Variants in HOXB7 observed in about 807,000 individuals in gnomAD.
HOXB7 encodes the protein homeobox protein Hox-B7.
HOXB7 carries 11 observed loss-of-function variants against 19.2 expected under a neutral mutation model. The ratio of observed to expected loss-of-function variants is 0.57; its 90% CI spans 0.36 to 0.95. The LOEUF is 0.95. HOXB7 is among the 40% of genes least tolerant of loss of function. The pLI is 0.01. For missense variants in HOXB7, 318 were observed against 301.1 expected (o/e 1.06, Z -0.42); for synonymous variants, 141 against 130.2 (o/e 1.08, Z -0.56).
chr17:48,607,983 C>T lies in HOXB7; in HGVS notation c.513G>A (p.Ala171=), dbSNP rs1351523006. Residue 171 remains alanine (A), a synonymous_variant, in exon 2 of 2, where the codon GCG becomes GCA. Transcript: ENST00000239165. ...GTCTTTCCGTGAGGCAGAGCGTGTG[C>T]GCGATCTCGATGCGCCGCCGCCGCG... is the stretch of plus-strand genomic sequence containing the variant. ...YLTRRRRIEI[A]HTLCLTERQI... is the part of the protein sequence containing the mutation. 4 of 1,614,170 alleles carry T rather than the reference C, an allele frequency of 2.5e-6. No individual in the cohort carries two copies. The highest frequency in any genetic ancestry group is 1.1e-5 in the South Asian group (1 of 91,080).
rs117268693 is a variant in HOXB7 at position 48,610,135 on chromosome 17, G to A, written c.400+384C>T. Among the ~76,000 whole-genome samples the A allele has an allele frequency of 1.3e-3, 196 of 152,296 alleles. 3 individuals carry two copies. In the East Asian group the frequency reaches 0.037, roughly 29 times the overall value. On this transcript the variant is annotated intron_variant, in intron 1 of 1. Coordinates refer to ENST00000239165, the MANE Select transcript of HOXB7 (RefSeq NM_004502.4). The stretch of plus-strand genomic sequence containing the variant: ...CTTAGCTGGGAAGGGGGGAGAAGGG[G>A]GAGACCCTAATGGCTATTCTCTGCA...
Position 48,610,575 on chromosome 17 carries a change from T to A in HOXB7, c.344A>T (p.Asp115Val). Residue 115 changes from aspartate to valine, a missense_variant, in exon 1 of 2, where the codon GAC (aspartate) becomes GTC (valine). Coordinates refer to ENST00000239165, the MANE Select transcript of HOXB7 (RefSeq NM_004502.4). ...GTTACTCTCGGCCGCCAAGTCCGAG[T>A]CCCTCTGCTCCTTGGCGCCCGCCGC... is the stretch of plus-strand genomic sequence containing the variant. Reference protein sequence around the residue: ...AKAAGAKEQRDSDLAAESNFR... With the variant: ...AKAAGAKEQRVSDLAAESNFR... The A allele has an allele frequency of 6.5e-7, 1 of 1,539,552 alleles. No homozygotes were observed.
chr17:48,610,961 G>T lies in HOXB7; in HGVS notation c.-43C>A. ...TGTAGGCAGGGACGTTTTAGTGTCGGTTTTACGAGATTCCTTGATATATTA... is the reference window on the plus strand; with the variant it reads ...TGTAGGCAGGGACGTTTTAGTGTCGTTTTTACGAGATTCCTTGATATATTA... On this transcript the variant is annotated 5_prime_UTR_variant, in exon 1 of 2. Coordinates refer to ENST00000239165, the MANE Select transcript of HOXB7 (RefSeq NM_004502.4). The T allele has an allele frequency of 7.0e-7, 1 of 1,436,032 alleles. No homozygotes were observed. Among genetic ancestry groups the T allele is most frequent in the Non-Finnish European group, 9.2e-7 (1 of 1,081,748 alleles). 89.0% of individuals were successfully genotyped at this position (1,436,032 alleles called of 1,614,324 possible).
chr17:48,610,846 C>T lies in HOXB7; in HGVS notation c.73G>A (p.Ala25Thr). 1 of 1,550,904 alleles carries T rather than the reference C, an allele frequency of 6.4e-7. No homozygotes were observed. Among genetic ancestry groups the T allele is most frequent in the Non-Finnish European group, 8.7e-7 (1 of 1,149,722 alleles). ...PASSSVFATGAFPEQTSCAFA... is the reference protein window; with the variant it reads ...PASSSVFATGTFPEQTSCAFA... ...GCACAAGAAGTTTGTTCTGGGAAGG[C>T]TCCGGTAGCGAAAACCGAACTTGAG... Residue 25 changes from alanine (A) to threonine (T), a missense_variant, in exon 1 of 2, where the codon GCC (alanine) becomes ACC (threonine). Ala to Thr is a moderately conservative substitution (Grantham distance 58, BLOSUM62 0). Transcript: ENST00000239165.
Position 48,610,586 on chromosome 17 carries a change from C to T in HOXB7, c.333G>A (p.Lys111=), listed in dbSNP as rs1306002385. 3 of 1,550,048 alleles carry T rather than the reference C, an allele frequency of 1.9e-6. No homozygotes were observed. Among genetic ancestry groups the T allele is most frequent in the Non-Finnish European group, 1.7e-6 (2 of 1,146,298 alleles). ...PGDSAKAAGA[K]EQRDSDLAAE... is the part of the protein sequence containing the mutation. ...CCGCCAAGTCCGAGTCCCTCTGCTC[C>T]TTGGCGCCCGCCGCCTTGGCGGAGT... Residue 111 remains lysine (K), a synonymous_variant, in exon 1 of 2, where the codon AAG becomes AAA. Coordinates refer to ENST00000239165, the MANE Select transcript of HOXB7 (RefSeq NM_004502.4).
At chr17:48,609,189 T>C (rs925850752) in intron 1 of HOXB7, among the ~76,000 whole-genome samples, 1 of 152,174 alleles carries the variant, frequency 6.6e-6, no homozygotes, top group African/African-American at 2.4e-5. Context: ...ATGGAGTATC[T>C]GGGTGGTGGG....
At chr17:48,609,861 G>A (rs1415002746) in intron 1 of HOXB7, among the ~76,000 whole-genome samples, 1 of 152,150 alleles carries the variant, frequency 6.6e-6, no homozygotes, top group African/African-American at 2.4e-5. Context: ...GGTTCACTGG[G>A]ATCAGGAGGA....
Position 48,610,948 on chromosome 17 carries a change from C to A in HOXB7, c.-30G>T. On this transcript the variant is annotated 5_prime_UTR_variant, in exon 1 of 2. Transcript: ENST00000239165. ...TGGCCGGATGATTTGTAGGCAGGGA[C>A]GTTTTAGTGTCGGTTTTACGAGATT... 4.8e-6 allele frequency: 7 copies of A among 1,457,212 alleles called. No homozygotes were observed. Among genetic ancestry groups the A allele is most frequent in the East Asian group, 2.5e-5 (1 of 40,012 alleles). 90.3% of individuals were successfully genotyped at this position (1,457,212 alleles called of 1,614,324 possible). A position where few individuals can be genotyped will look rare whatever the true frequency, so the allele number is the denominator to read the frequency against.
In HOXB7 at chr17:48,610,818, A is replaced by G. The variant is rs1340598461; in HGVS notation, c.101T>C (p.Phe34Ser). Residue 34 changes from phenylalanine to serine, a missense_variant, in exon 1 of 2, where the codon TTT becomes TCT. Physicochemically the swap from Phe to Ser is radical, Grantham distance 155 (BLOSUM62 -2). Coordinates refer to ENST00000239165, the MANE Select transcript of HOXB7 (RefSeq NM_004502.4). Reference protein sequence around the residue: ...GAFPEQTSCAFASNPQRPGYG... With the variant: ...GAFPEQTSCASASNPQRPGYG... ...GCCCGGGCGCTGGGGGTTGGAAGCA[A>G]ACGCACAAGAAGTTTGTTCTGGGAA... 3 of 1,588,032 alleles carry G rather than the reference A, an allele frequency of 1.9e-6. No homozygotes were observed. The highest frequency in any genetic ancestry group is 2.6e-6 in the Non-Finnish European group (3 of 1,169,566).
intron 1 of HOXB7, among the ~76,000 whole-genome samples, chr17:48,609,547 C>G (rs1263854355): frequency 6.6e-6 from 1 of 152,208 alleles, no homozygotes; most frequent in Non-Finnish European, 1.5e-5. Context: ...CTAAGTTCGT[C>G]TGCTTTGGAA....
Position 48,608,043 on chromosome 17 carries a change from C to T in HOXB7, c.453G>A (p.Glu151=), listed in dbSNP as rs769530061. 2.5e-6 allele frequency: 4 copies of T among 1,614,106 alleles called. No homozygotes were observed. Among genetic ancestry groups the T allele is most frequent in the East Asian group, 2.2e-5 (1 of 44,894 alleles). Residue 151 remains glutamate, a synonymous_variant, in exon 2 of 2, where the codon GAG becomes GAA. Transcript: ENST00000239165. ...RQTYTRYQTL[E]LEKEFHYNRY... ...GATTGTAGTGAAATTCTTTCTCCAG[C>T]TCCAGGGTCTGGTAGCGGGTGTAGG... is the stretch of plus-strand genomic sequence containing the variant.
chr17:48,610,920 AT>A lies in HOXB7; in HGVS notation c.-3del, dbSNP rs1200466071. On this transcript the variant is annotated 5_prime_UTR_variant, in exon 1 of 2. Coordinates refer to ENST00000239165, the MANE Select transcript of HOXB7 (RefSeq NM_004502.4). ...ATTCGCATAATACAATGAACTCATA[AT>A]TTGGCCGGATGATTTGTAGGCAGGG... The A allele has an allele frequency of 1.4e-6, 2 of 1,480,398 alleles. No homozygotes were observed. Among genetic ancestry groups the A allele is most frequent in the Non-Finnish European group, 1.8e-6 (2 of 1,114,610 alleles). The allele number at this position is 1,480,398 out of a possible 1,614,324, so 91.7% of individuals were successfully genotyped here.
At chr17:48,608,764 T>C (rs1028848404) in intron 1 of HOXB7, among the ~76,000 whole-genome samples, 2 of 152,336 alleles carry the variant, frequency 1.3e-5, no homozygotes, top group Non-Finnish European at 2.9e-5. Context: ...CCTTTCACTC[T>C]CTGGGGTCAA....
intron 1 of HOXB7, among the ~76,000 whole-genome samples, chr17:48,610,093 C>T (rs1318586330): frequency 6.6e-6 from 1 of 152,040 alleles, no homozygotes; most frequent in Non-Finnish European, 1.5e-5. Context: ...CAGGGGGACA[C>T]ACCCAGGGCT....
At position 48,610,054 on chromosome 17, in the gene HOXB7, C is replaced by A. The variant is rs1244174495; in HGVS notation, c.400+465G>T. ...GGGGAGAATTGCTTAGCGCTATGGC[C>A]CCCTCCCCCATACCTTATCCGAGTG... On this transcript the variant is annotated intron_variant, in intron 1 of 1. Coordinates refer to ENST00000239165, the MANE Select transcript of HOXB7 (RefSeq NM_004502.4). Among the ~76,000 whole-genome samples the A allele has an allele frequency of 6.2e-5, 7 of 112,330 alleles. No homozygotes were observed. In the South Asian group the frequency reaches 2.4e-3, roughly 39 times the overall value. The allele number at this position is 112,330 out of a possible 152,430, so 73.7% of individuals were successfully genotyped here. A position where few individuals can be genotyped will look rare whatever the true frequency, so the allele number is the denominator to read the frequency against.
In HOXB7 at chr17:48,607,705, T is replaced by A. The variant is rs537838599; in HGVS notation, c.*137A>T. 16 of 692,794 alleles carry A rather than the reference T, an allele frequency of 2.3e-5. No individual in the cohort carries two copies. The highest frequency in any genetic ancestry group is 3.9e-5 in the Admixed American group (1 of 25,536). The allele number at this position is 692,794 out of a possible 1,614,324, so 42.9% of individuals were successfully genotyped here. On this transcript the variant is annotated 3_prime_UTR_variant, in exon 2 of 2. Transcript: ENST00000239165. ...TAAACTCCTTTCATTTAAATAGGGT[T>A]TTTTTTTTGTTTTTTTTGTTTTTTG...
At chr17:48,609,857 C>T (rs1403650635) in intron 1 of HOXB7, among the ~76,000 whole-genome samples, 1 of 152,212 alleles carries the variant, frequency 6.6e-6, no homozygotes, top group African/African-American at 2.4e-5. Flanking sequence ...CCCAGGTTCA[C>T]TGGGATCAGG....
rs1388991972 is a variant in HOXB7, at chr17:48,607,841, C to T, written c.*1G>A. 29 of 1,610,698 alleles carry T rather than the reference C, an allele frequency of 1.8e-5. No individual in the cohort carries two copies. The highest frequency in any genetic ancestry group is 2.5e-5 in the Non-Finnish European group (29 of 1,177,220). ...CTCTTCCTCTGCCCTTTCTCCATCC[C>T]TCACTCTTCCTCTTCCTCCTCTGCT... On this transcript the variant is annotated 3_prime_UTR_variant, in exon 2 of 2. Transcript: ENST00000239165.
Position 48,610,657 on chromosome 17 carries a change from G to T in HOXB7, c.262C>A (p.His88Asn). 1 of 1,578,898 alleles carries T rather than the reference G, an allele frequency of 6.3e-7. No homozygotes were observed. Among genetic ancestry groups the T allele is most frequent in the Non-Finnish European group, 8.6e-7 (1 of 1,162,302 alleles). ...YGLEPSSFNM[H>N]CAPFEQNLSG... The stretch of plus-strand genomic sequence containing the variant: ...AGGTTCTGCTCAAAGGGCGCGCAGT[G>T]CATGTTGAAGGAACTCGGCTCGAGC... The change falls in exon 1 of 2, where the codon CAC (histidine) becomes AAC (asparagine). Residue 88 changes from histidine to asparagine, a missense_variant. Coordinates refer to ENST00000239165, the MANE Select transcript of HOXB7 (RefSeq NM_004502.4).
Sources: allele counts gnomAD v4.1 joint callset (sites outside exome capture counted in the v4.1 genomes callset), GRCh38; gene constraint gnomAD v4.1.1; transcripts MANE v1.5; gene names NCBI Gene and HGNC (gene_info 2026-07-23, HGNC 2026-07-21).